The following DGKD variants were observed in gnomAD, a reference collection of about 807,000 sequenced individuals.
The protein encoded by DGKD is DAG kinase delta.
A neutral mutation model predicts 154.4 loss-of-function variants in DGKD; 68 were observed. The observed-to-expected ratio is 0.44, with a 90% confidence interval of 0.36 to 0.54. DGKD has a LOEUF of 0.54. Ranked by LOEUF, DGKD falls within the 20% of genes least tolerant of loss-of-function variation. DGKD has a pLI of 0.00. For synonymous variants in DGKD, 693 were observed against 638.0 expected (o/e 1.09, Z -1.30); for missense variants, 1,343 against 1,593.6 (o/e 0.84, Z 2.68).
chr2:233,442,270 G>T (rs2062923884), intron 10 of DGKD: 1 of 593,404 alleles, frequency 1.7e-6, no homozygotes. Context: ...ACCCACATGG[G>T]GAGCAGGGCT....
At chr2:233,462,314 C>G (rs2063671745) in intron 24 of DGKD, 34 bp from the exon 25 acceptor site, 5 of 1,552,906 alleles carry the variant, frequency 3.2e-6, no homozygotes, top group Non-Finnish European at 4.4e-6. Flanking sequence ...TTCCATTTGG[C>G]CTGACATCTG....
rs140621843 is a variant in DGKD at position 233,452,266 on chromosome 2, C to T, written c.2264+206C>T. ...ACATCTGCTGCAGAGGCAAAGCGCACGCCTCCCATCTCCTTCCCAAGGTCC... is the reference window on the plus strand; with the variant it reads ...ACATCTGCTGCAGAGGCAAAGCGCATGCCTCCCATCTCCTTCCCAAGGTCC... On this transcript the variant is annotated intron_variant, in intron 18 of 29. Transcript: ENST00000264057. The surrounding 1 kb of genome is among the most constrained non-coding windows in gnomAD (Gnocchi z 4.0). 2.3e-4 allele frequency among the ~76,000 whole-genome samples: 35 copies of T among 152,314 alleles called. No homozygotes were observed. The highest frequency in any genetic ancestry group is 4.3e-4 in the African/African-American group (18 of 41,562).
At chr2:233,444,426 GT>G (rs2062998110) in intron 10 of DGKD, among the ~76,000 whole-genome samples, 1 of 151,682 alleles carries the variant, frequency 6.6e-6, no homozygotes, top group South Asian at 2.1e-4. Flanking sequence ...ACCTTTAAGA[GT>G]CCCAGCTTTG....
At chr2:233,379,791 T>TTTTTA (rs1350245184) in intron 1 of DGKD, 4 of 152,178 alleles carry the variant, frequency 2.6e-5, no homozygotes, top group Non-Finnish European at 4.4e-5. Context: ...TTTCTTTACT[T>TTTTTA]TTTTATTTTA....
intron 3 of DGKD, among the ~76,000 whole-genome samples, chr2:233,423,047 C>T (rs1014471886): frequency 2.0e-5 from 3 of 152,164 alleles, no homozygotes; most frequent in South Asian, 2.1e-4. Context: ...TTTCACTCAG[C>T]GTAATTCCCT....
At chr2:233,399,419 C>T (rs560596063) in intron 3 of DGKD, among the ~76,000 whole-genome samples, 33 of 152,356 alleles carry the variant, frequency 2.2e-4, no homozygotes, top group African/African-American at 7.2e-4. Context: ...ATCAGGTCTT[C>T]CTTCCTGCAG....
chr2:233,358,369 C>T (rs985674130), intron 1 of DGKD, among the ~76,000 whole-genome samples: 1 of 152,046 alleles, frequency 6.6e-6, no homozygotes, highest in Non-Finnish European at 1.5e-5. Flanking sequence ...TAAATTTAAA[C>T]AAAGCATTTT....
intron 3 of DGKD, among the ~76,000 whole-genome samples, chr2:233,421,797 A>G (rs1364391648): frequency 1.3e-5 from 2 of 152,184 alleles, no homozygotes; most frequent in East Asian, 3.8e-4. Flanking sequence ...CTTCTTTAAT[A>G]AGTCTTTAAT....
rs966043097 is a variant in DGKD, at chr2:233,438,618, A to G, written c.1085+239A>G. Among the ~76,000 whole-genome samples, 7 of 152,190 alleles carry G rather than the reference A, an allele frequency of 4.6e-5. No individual in the cohort carries two copies. Among genetic ancestry groups the G allele is most frequent in the African/African-American group, 1.7e-4 (7 of 41,446 alleles). On this transcript the variant is annotated intron_variant, in intron 9 of 29. Transcript: ENST00000264057. This position sits in a 1 kb window ranked among gnomAD's most constrained non-coding sequence, Gnocchi z 4.1. Reference sequence around the variant, plus strand: ...TACATACATCCATGTACACACACCCATGCACGTGCATCTTTTGAGCCAATC... The same window carrying G: ...TACATACATCCATGTACACACACCCGTGCACGTGCATCTTTTGAGCCAATC...
At chr2:233,408,197 T>G (rs2061733682) in intron 3 of DGKD, among the ~76,000 whole-genome samples, 1 of 152,084 alleles carries the variant, frequency 6.6e-6, no homozygotes, top group African/African-American at 2.4e-5. Flanking sequence ...CATGTACCAC[T>G]ACACCTGGCA....
At position 233,453,986 on chromosome 2, in the gene DGKD, G is replaced by A. The variant is rs79379670; in HGVS notation, c.2265-777G>A. The stretch of plus-strand genomic sequence containing the variant: ...GAGAAATGTTTTGAGATCCAGAGTT[G>A]AAATGTGTGAGTTTCTGTGCCATAA... On this transcript the variant is annotated intron_variant, in intron 18 of 29. Coordinates refer to ENST00000264057, the MANE Select transcript of DGKD (RefSeq NM_152879.3). Among the ~76,000 whole-genome samples, 23 of 152,364 alleles carry A rather than the reference G, an allele frequency of 1.5e-4. No homozygotes were observed. The East Asian group carries it at 4.0e-3, about 27-fold the overall frequency.
chr2:233,454,657 A>C (rs1224856070), intron 18 of DGKD, 106 bp from the exon 19 acceptor site: 1 of 667,616 alleles, frequency 1.5e-6, no homozygotes, highest in Non-Finnish European at 2.7e-6. Context: ...CAAAAAAGAA[A>C]AAGTTACCAG....
In DGKD at chr2:233,457,429, T is replaced by C. The variant is rs759736019; in HGVS notation, c.2580+101T>C. On this transcript the variant is annotated intron_variant, in intron 21 of 29. Coordinates refer to ENST00000264057, the MANE Select transcript of DGKD (RefSeq NM_152879.3). The surrounding 1 kb of genome is among the most constrained non-coding windows in gnomAD (Gnocchi z 5.5). ...GTGGCTGGGGTGGATCCAGCTCTTCTGTTGTGCCAGCAGTGGGGTTGCCGT... is the reference window on the plus strand; with the variant it reads ...GTGGCTGGGGTGGATCCAGCTCTTCCGTTGTGCCAGCAGTGGGGTTGCCGT... 6.6e-6 allele frequency: 6 copies of C among 904,750 alleles called. No individual in the cohort carries two copies. Among genetic ancestry groups the C allele is most frequent in the African/African-American group, 3.3e-5 (2 of 61,298 alleles). 56.0% of individuals were successfully genotyped at this position (904,750 alleles called of 1,614,324 possible).
At chr2:233,370,804 T>G (rs1702281037) in intron 1 of DGKD, among the ~76,000 whole-genome samples, 1 of 151,848 alleles carries the variant, frequency 6.6e-6, no homozygotes, top group South Asian at 2.1e-4. Context: ...CAGGCTGGAG[T>G]GCAGTGGTGC....
intron 2 of DGKD, 25 bp from the exon 3 acceptor site, chr2:233,390,378 A>T (rs760124576): frequency 4.2e-5 from 68 of 1,600,940 alleles, no homozygotes; most frequent in Non-Finnish European, 5.5e-5. Flanking sequence ...TATGTGCCTT[A>T]GTCCCTGTGT....
At chr2:233,419,179 A>G in intron 3 of DGKD, 2 of 975,200 alleles carry the variant, frequency 2.1e-6, no homozygotes, top group Non-Finnish European at 2.4e-6. Context: ...GCAGCCCAGG[A>G]GCTATATTTA....
At chr2:233,425,275 C>T (rs2062256236) in intron 3 of DGKD, among the ~76,000 whole-genome samples, 1 of 152,180 alleles carries the variant, frequency 6.6e-6, no homozygotes, top group South Asian at 2.1e-4. Flanking sequence ...CAAATTCCAC[C>T]TGCCGGGTTC....
At position 233,409,705 on chromosome 2, in the gene DGKD, G is replaced by T. The variant is rs1199402937; in HGVS notation, c.348+19222G>T. Among the ~76,000 whole-genome samples, 3 of 149,744 alleles carry T rather than the reference G, an allele frequency of 2.0e-5. No homozygotes were observed. In the East Asian group the frequency reaches 5.9e-4, roughly 30 times the overall value. On this transcript the variant is annotated intron_variant, in intron 3 of 29. Coordinates refer to ENST00000264057, the MANE Select transcript of DGKD (RefSeq NM_152879.3). ...TGTGGTAGGGAGACTGCTGTTTATT[G>T]ACCCAGTCCTTCCTCCTCACCACAC...
chr2:233,444,249 T>G (rs2062991908), intron 10 of DGKD, among the ~76,000 whole-genome samples: 1 of 152,152 alleles, frequency 6.6e-6, no homozygotes, highest in African/African-American at 2.4e-5. Context: ...ACAGTTGTTC[T>G]TGGTTCGTCC....
Sources: allele counts gnomAD v4.1 joint callset (sites outside exome capture counted in the v4.1 genomes callset), GRCh38; gene constraint gnomAD v4.1.1; non-coding constraint Gnocchi (gnomAD v3.1); transcripts MANE v1.5; gene names NCBI Gene and HGNC (gene_info 2026-07-23, HGNC 2026-07-21).